FHIT: variants seen among roughly 807,000 people sequenced by gnomAD.
The protein encoded by FHIT is fragile histidine triad diadenosine triphosphatase.
Under a neutral mutation model 17.9 loss-of-function variants are expected in FHIT, and 19 were observed. That is an observed-to-expected ratio of 1.06 (90% CI 0.74 to 1.56). The LOEUF (loss-of-function observed/expected upper bound fraction) is 1.56. Among genes scored for constraint, FHIT ranks in the 40% most tolerant of loss-of-function variants. The pLI is 0.00. For synonymous variants in FHIT, 81 were observed against 69.7 expected, an observed-to-expected ratio of 1.16 and a Z score of -0.81; for missense variants, 248 against 189.2, an observed-to-expected ratio of 1.31 and a Z score of -1.82.
At chr3:60,969,227 C>A (rs991049307) in intron 3 of FHIT, among the ~76,000 whole-genome samples, 18 of 151,866 alleles carry the variant, frequency 1.2e-4, no homozygotes, top group Admixed American at 7.2e-4. Flanking sequence ...ATTCAGATTC[C>A]CTAAAAATAT....
chr3:60,480,598 A>T (rs1210678164), intron 5 of FHIT, among the ~76,000 whole-genome samples: 1 of 152,194 alleles, frequency 6.6e-6, no homozygotes, highest in Non-Finnish European at 1.5e-5. Context: ...CAAATGAGAG[A>T]AATTGGCCAA....
intron 5 of FHIT, among the ~76,000 whole-genome samples, chr3:60,102,737 C>A (rs1046836972): frequency 6.6e-6 from 1 of 152,082 alleles, no homozygotes; most frequent in Non-Finnish European, 1.5e-5. Context: ...TTCCTAGGCT[C>A]ATAAAGACCA....
chr3:60,110,141 T>C (rs1310996973), intron 5 of FHIT, among the ~76,000 whole-genome samples: 1 of 152,162 alleles, frequency 6.6e-6, no homozygotes, highest in Non-Finnish European at 1.5e-5. Context: ...CGTCCTCTCA[T>C]ATGAGGACAC....
chr3:61,142,140 A>C (rs2037103146), intron 2 of FHIT, among the ~76,000 whole-genome samples: 1 of 151,280 alleles, frequency 6.6e-6, no homozygotes, highest in African/African-American at 2.4e-5. Context: ...TTTATCTGAG[A>C]ATTGCATGCT....
chr3:60,701,406 A>G lies in FHIT; in HGVS notation c.-18+120513T>C, dbSNP rs186961779. 8.3e-4 allele frequency among the ~76,000 whole-genome samples: 127 copies of G among 152,226 alleles called. 3 individuals carry two copies. Among genetic ancestry groups the G allele is most frequent in the African/African-American group, 2.9e-3 (121 of 41,544 alleles). ...CTGTATGGGAGACGGGAGTTTTATT[A>G]TTACTCAAATCAGTCTCCCCCCCAA... On this transcript the variant is annotated intron_variant, in intron 4 of 9. Transcript: ENST00000492590.
At chr3:59,907,863 A>G (rs979947334) in intron 8 of FHIT, among the ~76,000 whole-genome samples, 3 of 152,164 alleles carry the variant, frequency 2.0e-5, no homozygotes, top group African/African-American at 7.2e-5. Context: ...TGCCTTTTCC[A>G]GCTTCTAGAG....
intron 5 of FHIT, among the ~76,000 whole-genome samples, chr3:60,222,100 C>G (rs1194517469): frequency 6.6e-6 from 1 of 152,126 alleles, no homozygotes; most frequent in Non-Finnish European, 1.5e-5. Flanking sequence ...GCTAGTTAAG[C>G]ATTTCCATCC....
chr3:60,895,641 C>T (rs1169267167), intron 3 of FHIT, among the ~76,000 whole-genome samples: 2 of 150,454 alleles, frequency 1.3e-5, no homozygotes, highest in African/African-American at 4.9e-5. Context: ...CCCTTCTTTC[C>T]TTCCTTTCCC....
intron 5 of FHIT, among the ~76,000 whole-genome samples, chr3:60,082,480 A>G (rs1448423473): frequency 6.6e-6 from 1 of 151,946 alleles, no homozygotes. Context: ...TTTTCTTTTG[A>G]ATATATATCC....
At chr3:61,235,473 G>A (rs1299308945) in intron 1 of FHIT, among the ~76,000 whole-genome samples, 1 of 152,012 alleles carries the variant, frequency 6.6e-6, no homozygotes, top group Non-Finnish European at 1.5e-5. Flanking sequence ...CAATTTTTAT[G>A]TGCAGATAGA....
rs550598684 is a variant in FHIT at position 60,637,698 on chromosome 3, C to T, written c.-17-100719G>A. On this transcript the variant is annotated intron_variant, in intron 4 of 9. Coordinates refer to ENST00000492590, the MANE Select transcript of FHIT (RefSeq NM_002012.4). Reference sequence around the variant, plus strand: ...TGAAGTGCAGAGAAGTATCCTAAAACATATATACAGTATGTGGTAAAAAAT... The same window carrying T: ...TGAAGTGCAGAGAAGTATCCTAAAATATATATACAGTATGTGGTAAAAAAT... Among the ~76,000 whole-genome samples the T allele has an allele frequency of 2.6e-5, 4 of 152,272 alleles. No individual in the cohort carries two copies. The East Asian group carries it at 7.7e-4, about 29-fold the overall frequency.
At chr3:60,441,370 C>T (rs1017911503) in intron 5 of FHIT, among the ~76,000 whole-genome samples, 1 of 151,788 alleles carries the variant, frequency 6.6e-6, no homozygotes, top group Admixed American at 6.6e-5. Flanking sequence ...AAGTTATGTT[C>T]TCGGGAAAAA....
intron 5 of FHIT, among the ~76,000 whole-genome samples, chr3:60,053,517 G>A (rs967333515): frequency 1.3e-4 from 20 of 151,600 alleles, no homozygotes; most frequent in African/African-American, 4.9e-4. Context: ...ACTGGCTATG[G>A]CAAAACACAT....
chr3:60,357,252 G>C (rs1265763060), intron 5 of FHIT, among the ~76,000 whole-genome samples: 1 of 152,102 alleles, frequency 6.6e-6, no homozygotes, highest in African/African-American at 2.4e-5. Flanking sequence ...GTGTCGCGCA[G>C]GCTGGTATGC....
intron 3 of FHIT, among the ~76,000 whole-genome samples, chr3:60,906,600 C>T (rs1410531843): frequency 6.6e-6 from 1 of 152,074 alleles, no homozygotes; most frequent in Non-Finnish European, 1.5e-5. Context: ...TCTTTTTTTA[C>T]TCCAGGACAT....
intron 3 of FHIT, among the ~76,000 whole-genome samples, chr3:61,024,672 G>A (rs2032638612): frequency 6.6e-6 from 1 of 152,114 alleles, no homozygotes; most frequent in Non-Finnish European, 1.5e-5. Context: ...AATAAATACT[G>A]TAACAAAACT....
chr3:59,866,640 A>G (rs1362203872), intron 8 of FHIT, among the ~76,000 whole-genome samples: 1 of 152,210 alleles, frequency 6.6e-6, no homozygotes, highest in Non-Finnish European at 1.5e-5. Flanking sequence ...TATGTCTAAA[A>G]GTAAATCTGA....
chr3:60,037,602 G>A (rs1043334278), intron 5 of FHIT, among the ~76,000 whole-genome samples: 2 of 151,884 alleles, frequency 1.3e-5, no homozygotes, highest in Non-Finnish European at 1.5e-5. Context: ...GCCTGGTCTC[G>A]AACTCCTAAC....
intron 2 of FHIT, among the ~76,000 whole-genome samples, chr3:61,054,609 T>C (rs1265898180): frequency 6.6e-6 from 1 of 152,204 alleles, no homozygotes; most frequent in Non-Finnish European, 1.5e-5. Context: ...TTCATCAATA[T>C]AACTATTCTA....
Sources: allele counts gnomAD v4.1 joint callset (sites outside exome capture counted in the v4.1 genomes callset), GRCh38; gene constraint gnomAD v4.1.1; transcripts MANE v1.5; gene names NCBI Gene and HGNC (gene_info 2026-07-23, HGNC 2026-07-21).